Variants in UBE2E3 observed in about 807,000 individuals in gnomAD.
UBE2E3 encodes the protein ubiquitin conjugating enzyme E2 E3, also known as ubiquitin-conjugating enzyme E2 E3.
In UBE2E3, 5 loss-of-function variants were observed where a neutral mutation model predicts 23.6. That is an observed-to-expected ratio of 0.21 (90% CI 0.11 to 0.44). The LOEUF is 0.44. Among genes scored for constraint, UBE2E3 ranks in the 20% least tolerant of loss-of-function variants. The probability of loss-of-function intolerance (pLI) is 0.99; values close to 1 mark genes in which losing one functional copy is unlikely to be tolerated. For synonymous variants in UBE2E3, 78 were observed against 87.5 expected, an observed-to-expected ratio of 0.89 and a Z score of 0.60; for missense variants, 81 against 249.8, an observed-to-expected ratio of 0.32 and a Z score of 4.55.
At chr2:181,009,458 G>A (rs1850640) in intron 3 of UBE2E3, among the ~76,000 whole-genome samples, 35,267 of 151,786 alleles carry the variant, frequency 0.23, 4,459 homozygotes, top group Non-Finnish European at 0.28. Context: ...AAGTAAGATG[G>A]AAGTCCACCA....
At chr2:181,031,738 A>G (rs1438477448) in intron 3 of UBE2E3, among the ~76,000 whole-genome samples, 1 of 151,780 alleles carries the variant, frequency 6.6e-6, no homozygotes, top group Non-Finnish European at 1.5e-5. Flanking sequence ...CCATTTTTGG[A>G]GGCTATACAC....
In UBE2E3 at chr2:181,030,227, C is replaced by T. The variant is rs543886646; in HGVS notation, c.246-27466C>T. ...ATTGGGCATTAAATTTTAATGAATA[C>T]TTTATCTACTAAAGTAATAATCATA... On this transcript the variant is annotated intron_variant, in intron 3 of 5. Transcript: ENST00000410062. Among the ~76,000 whole-genome samples the T allele has an allele frequency of 5.9e-5, 9 of 152,096 alleles. No homozygotes were observed. In the South Asian group the frequency reaches 1.9e-3, roughly 32 times the overall value.
intron 3 of UBE2E3, 47 bp downstream of exon 3, chr2:180,984,140 C>T (rs754628497): frequency 6.6e-7 from 1 of 1,509,786 alleles, no homozygotes; most frequent in Non-Finnish European, 9.2e-7. Flanking sequence ...TGGAAAAATA[C>T]CAAGAGATTG....
intron 3 of UBE2E3, among the ~76,000 whole-genome samples, chr2:181,042,346 G>T (rs1190532068): frequency 2.0e-5 from 3 of 152,162 alleles, no homozygotes; most frequent in Non-Finnish European, 2.9e-5. Flanking sequence ...ACTTTAAGTG[G>T]CTGTGCTCTT....
intron 5 of UBE2E3, among the ~76,000 whole-genome samples, chr2:181,061,780 T>C (rs1264031937): frequency 1.3e-5 from 2 of 151,534 alleles, no homozygotes; most frequent in Admixed American, 6.6e-5. Context: ...GTGACCTTTT[T>C]TTTTTTTTTA....
At chr2:181,028,890 A>G (rs1360894945) in intron 3 of UBE2E3, among the ~76,000 whole-genome samples, 1 of 152,088 alleles carries the variant, frequency 6.6e-6, no homozygotes, top group African/African-American at 2.4e-5. Flanking sequence ...AGTCTCTTAT[A>G]TGATTAGCAC....
chr2:181,045,209 T>C (rs1055609750), intron 3 of UBE2E3, among the ~76,000 whole-genome samples: 1 of 152,212 alleles, frequency 6.6e-6, no homozygotes, highest in Non-Finnish European at 1.5e-5. Context: ...AGACGTTTTC[T>C]CATTTGATCA....
At chr2:181,012,559 G>A (rs1453165211) in intron 3 of UBE2E3, among the ~76,000 whole-genome samples, 1 of 152,136 alleles carries the variant, frequency 6.6e-6, no homozygotes, top group Non-Finnish European at 1.5e-5. Flanking sequence ...TGTCACATAA[G>A]CACACAAGAG....
intron 3 of UBE2E3, among the ~76,000 whole-genome samples, chr2:180,995,649 T>C (rs1684803119): frequency 6.6e-6 from 1 of 152,126 alleles, no homozygotes; most frequent in South Asian, 2.1e-4. Flanking sequence ...TTATTGGATT[T>C]CTGTGGTATA....
intron 3 of UBE2E3, among the ~76,000 whole-genome samples, chr2:181,035,277 C>T (rs1686232504): frequency 6.6e-6 from 1 of 152,098 alleles, no homozygotes; most frequent in Admixed American, 6.5e-5. Flanking sequence ...AATGTATATT[C>T]CTTTTTCTGA....
intron 3 of UBE2E3, among the ~76,000 whole-genome samples, chr2:181,035,272 A>G (rs1158804421): frequency 5.9e-5 from 9 of 152,206 alleles, no homozygotes; most frequent in Non-Finnish European, 1.5e-5. Context: ...CTATAAATGT[A>G]TATTCCTTTT....
chr2:181,039,524 A>G (rs1001918192), intron 3 of UBE2E3, among the ~76,000 whole-genome samples: 1 of 152,028 alleles, frequency 6.6e-6, no homozygotes, highest in Non-Finnish European at 1.5e-5. Context: ...TAATCCCAGC[A>G]CTTTGGGATT....
chr2:181,020,487 G>A (rs1159903701), intron 3 of UBE2E3, among the ~76,000 whole-genome samples: 1 of 152,076 alleles, frequency 6.6e-6, no homozygotes, highest in Non-Finnish European at 1.5e-5. Flanking sequence ...TCTTTTAGGG[G>A]CCTACAATTC....
intron 4 of UBE2E3, among the ~76,000 whole-genome samples, chr2:181,060,263 T>A (rs78686422): frequency 0.042 from 6,391 of 151,044 alleles, 202 homozygotes; most frequent in African/African-American, 0.085. Context: ...TTTTATGTTT[T>A]AAAAAAAAAT....
intron 3 of UBE2E3, among the ~76,000 whole-genome samples, chr2:181,043,846 C>T (rs751532387): frequency 3.3e-5 from 5 of 152,092 alleles, no homozygotes; most frequent in African/African-American, 1.2e-4. Flanking sequence ...ATTAAACAGT[C>T]TTCAAAATCT....
intron 3 of UBE2E3, among the ~76,000 whole-genome samples, chr2:181,045,128 CATA>C (rs1686632014): frequency 6.6e-6 from 1 of 152,126 alleles, no homozygotes; most frequent in Non-Finnish European, 1.5e-5. Flanking sequence ...CTTAAACTGT[CATA>C]ATCTACTTTT....
In UBE2E3 at chr2:181,041,991, TGAG is replaced by T. The variant is rs1478927691; in HGVS notation, c.246-15699_246-15697del. 2.0e-5 allele frequency among the ~76,000 whole-genome samples: 3 copies of T among 152,214 alleles called. 1 individual carries two copies. The highest frequency in any genetic ancestry group is 4.4e-5 in the Non-Finnish European group (3 of 68,028). ...ATTTAGACTGGAAAGCAAGTGTAAA[TGAG>T]GATATAATTGTGGAGCCTTCTGCAT... On this transcript the variant is annotated intron_variant, in intron 3 of 5. Coordinates refer to ENST00000410062, the MANE Select transcript of UBE2E3 (RefSeq NM_006357.4).
chr2:180,985,409 A>G (rs1417789047), intron 3 of UBE2E3, among the ~76,000 whole-genome samples: 1 of 152,182 alleles, frequency 6.6e-6, no homozygotes, highest in Admixed American at 6.5e-5. Flanking sequence ...AAAAGGATGT[A>G]TAATACTGCA....
chr2:181,018,090 C>G (rs904389852), intron 3 of UBE2E3, among the ~76,000 whole-genome samples: 5 of 151,990 alleles, frequency 3.3e-5, no homozygotes, highest in African/African-American at 1.2e-4. Flanking sequence ...AGTGATTGTG[C>G]TTTGGCTTCA....
Sources: allele counts gnomAD v4.1 joint callset (sites outside exome capture counted in the v4.1 genomes callset), GRCh38; gene constraint gnomAD v4.1.1; transcripts MANE v1.5; gene names NCBI Gene and HGNC (gene_info 2026-07-23, HGNC 2026-07-21).